The following BAZ2B variants were observed in gnomAD, a reference collection of about 807,000 sequenced individuals.
The protein encoded by BAZ2B is bromodomain adjacent to zinc finger domain protein 2B.
BAZ2B carries 91 observed loss-of-function variants against 246.0 expected under a neutral mutation model. The ratio of observed to expected loss-of-function variants is 0.37; its 90% confidence interval spans 0.31 to 0.44. BAZ2B has a LOEUF of 0.44. Among genes scored for constraint, BAZ2B ranks in the 20% least tolerant of loss-of-function variants. The probability of loss-of-function intolerance (pLI) is 1.00; values close to 1 mark genes in which losing one functional copy is unlikely to be tolerated. For synonymous variants in BAZ2B, 855 were observed against 860.0 expected, an observed-to-expected ratio of 0.99 and a Z score of 0.10; for missense variants, 2,332 against 2,533.7, an observed-to-expected ratio of 0.92 and a Z score of 1.71.
At chr2:159,572,557 T>G (rs1252623997) in intron 1 of BAZ2B, among the ~76,000 whole-genome samples, 1 of 152,158 alleles carries the variant, frequency 6.6e-6, no homozygotes. Context: ...AATCAATAAA[T>G]AAGTGAAAGT....
chr2:159,473,892 G>T (rs1157543711), intron 3 of BAZ2B, among the ~76,000 whole-genome samples: 3 of 152,180 alleles, frequency 2.0e-5, no homozygotes, highest in Non-Finnish European at 2.9e-5. Context: ...TCTTAATCCT[G>T]AGTTCTAATT....
the BAZ2B span, among the ~76,000 whole-genome samples, chr2:159,656,177 T>G: frequency 6.6e-6 from 1 of 152,166 alleles, no homozygotes; most frequent in Non-Finnish European, 1.5e-5. Context: ...ATTATTCTTT[T>G]AAAAATTAAT....
intron 34 of BAZ2B, among the ~76,000 whole-genome samples, chr2:159,330,985 G>T (rs2064649889): frequency 6.6e-6 from 1 of 152,206 alleles, no homozygotes; most frequent in Admixed American, 6.5e-5. Context: ...GAGGACAGAA[G>T]AGGGTTTTTG....
chr2:159,676,048 A>C, the BAZ2B span, among the ~76,000 whole-genome samples: 3 of 152,078 alleles, frequency 2.0e-5, no homozygotes, highest in Non-Finnish European at 4.4e-5. Flanking sequence ...GGCACCTACC[A>C]CCGCACCCGG....
chr2:159,462,716 G>A, intron 3 of BAZ2B: 1 of 1,405,700 alleles, frequency 7.1e-7, no homozygotes. Context: ...TGGTGTGATG[G>A]TAAACTTCCA....
chr2:159,607,181 C>T (rs10204535), intron 1 of BAZ2B, among the ~76,000 whole-genome samples: 61,710 of 151,782 alleles, frequency 0.41, 13,108 homozygotes, highest in African/African-American at 0.51. Context: ...TGGATATGCC[C>T]GTTACTGGCA....
Position 159,337,684 on chromosome 2 carries a change from T to C in BAZ2B, c.5543A>G (p.Asp1848Gly). The change falls in exon 32 of 37, where the codon GAT (aspartate) becomes GGT (glycine). Residue 1848 changes from aspartate to glycine, a missense_variant. Physicochemically the swap from Asp to Gly is moderately conservative, Grantham distance 94 (BLOSUM62 -1). Transcript: ENST00000392783. ...KSFTKLCKEH[D>G]GEFTGEDESS... Reference sequence around the variant, plus strand: ...TTCGTCTTCGCCAGTAAATTCTCCATCATGCTCCTTGCACAATTTAGTAAA... The same window carrying C: ...TTCGTCTTCGCCAGTAAATTCTCCACCATGCTCCTTGCACAATTTAGTAAA... The C allele has an allele frequency of 6.2e-7, 1 of 1,614,228 alleles. No individual in the cohort carries two copies. The highest frequency in any genetic ancestry group is 8.5e-7 in the Non-Finnish European group (1 of 1,180,032).
intron 1 of BAZ2B, among the ~76,000 whole-genome samples, chr2:159,591,784 TTAAG>T (rs1689447248): frequency 6.6e-6 from 1 of 152,172 alleles, no homozygotes; most frequent in Non-Finnish European, 1.5e-5. Flanking sequence ...TCACAGTACT[TTAAG>T]TAATGCTTTT....
At chr2:159,671,467 T>C in the BAZ2B span, among the ~76,000 whole-genome samples, 1 of 152,174 alleles carries the variant, frequency 6.6e-6, no homozygotes, top group South Asian at 2.1e-4. Context: ...AGAGAGGCAA[T>C]GTTTTTAAAA....
At position 159,349,194 on chromosome 2, in the gene BAZ2B, A is replaced by G. The variant is rs756085529; in HGVS notation, c.4950T>C (p.Ser1650=). The change falls in exon 29 of 37, where the codon TCT becomes TCC. Residue 1650 remains serine (S), a synonymous_variant. Transcript: ENST00000392783. The stretch of plus-strand genomic sequence containing the variant: ...CTAACCCCGATCCTAGACTAGGTAC[A>G]GATGATGTAAATGGAATATTAGAAG... The part of the protein sequence containing the change: ...VVTSNIPFTS[S]VPSLGSGLGL... 5 of 1,614,142 alleles carry G rather than the reference A, an allele frequency of 3.1e-6. No homozygotes were observed. The South Asian group carries it at 5.5e-5, about 18-fold the overall frequency.
chr2:159,414,803 C>A (rs868281081), intron 13 of BAZ2B, among the ~76,000 whole-genome samples: 5 of 142,670 alleles, frequency 3.5e-5, no homozygotes. Flanking sequence ...GGTGACAGAG[C>A]GAGACTCCAC....
intron 6 of BAZ2B, chr2:159,444,002 T>A (rs1233611298): frequency 6.6e-6 from 1 of 152,060 alleles, no homozygotes; most frequent in Admixed American, 6.5e-5. Context: ...GTTAAAAGCA[T>A]GGGCATTTAA....
At chr2:159,423,971 G>A (rs999751157) in intron 13 of BAZ2B, among the ~76,000 whole-genome samples, 4 of 152,030 alleles carry the variant, frequency 2.6e-5, no homozygotes, top group Non-Finnish European at 4.4e-5. Flanking sequence ...CAGCTTGCCC[G>A]CTTAGCAAAC....
In BAZ2B at chr2:159,337,577, T is replaced by C. The variant is rs2065887827; in HGVS notation, c.5650A>G (p.Ile1884Val). 1 of 1,614,082 alleles carries C rather than the reference T, an allele frequency of 6.2e-7. No individual in the cohort carries two copies. Among genetic ancestry groups the C allele is most frequent in the South Asian group, 1.1e-5 (1 of 91,090 alleles). ...GGGCTCTTCAGATACCTTCTTTCAA[T>C]GTTCCGCTCCAAATCAGCCAGCCTG... is the stretch of plus-strand genomic sequence containing the variant. Reference protein sequence around the residue: ...VTRLADLERNIERRIEEDIAP... With the variant: ...VTRLADLERNVERRIEEDIAP... The change falls in exon 32 of 37, where the codon ATT (isoleucine) becomes GTT (valine). Residue 1884 changes from isoleucine (I) to valine (V), a missense_variant. Ile to Val is a conservative substitution (Grantham distance 29). Around this residue, in one of 9 missense-constraint regions of BAZ2B, gnomAD observed 8 missense variants for 26.8 expected, o/e 0.30. Coordinates refer to ENST00000392783, the MANE Select transcript of BAZ2B (RefSeq NM_013450.4).
the BAZ2B span, among the ~76,000 whole-genome samples, chr2:159,704,746 T>C: frequency 1.3e-5 from 2 of 152,142 alleles, no homozygotes; most frequent in African/African-American, 4.8e-5. Flanking sequence ...CTTCCCAAAG[T>C]GTTAGGATTA....
the BAZ2B span, among the ~76,000 whole-genome samples, chr2:159,711,298 C>G: frequency 6.6e-6 from 1 of 152,192 alleles, no homozygotes; most frequent in Non-Finnish European, 1.5e-5. Flanking sequence ...TGCTTATTTT[C>G]ATTTCATATC....
chr2:159,581,130 A>G (rs1422979624), intron 1 of BAZ2B, among the ~76,000 whole-genome samples: 11 of 152,214 alleles, frequency 7.2e-5, no homozygotes, highest in Admixed American at 2.6e-4. Flanking sequence ...GTGAACAGGC[A>G]ACCTACAGAA....
intron 2 of BAZ2B, among the ~76,000 whole-genome samples, chr2:159,498,733 A>G (rs1429213631): frequency 6.6e-6 from 1 of 152,118 alleles, no homozygotes; most frequent in East Asian, 1.9e-4. Flanking sequence ...TAAGTATACC[A>G]TTTGGTCAAA....
At chr2:159,676,952 T>TTTTA in the BAZ2B span, among the ~76,000 whole-genome samples, 94 of 117,804 alleles carry the variant, frequency 8.0e-4, no homozygotes, top group African/African-American at 2.9e-3. Flanking sequence ...AATAGTTTTG[T>TTTTA]TATATATATA....
Sources: allele counts gnomAD v4.1 joint callset (sites outside exome capture counted in the v4.1 genomes callset), GRCh38; gene constraint gnomAD v4.1.1; regional missense constraint gnomAD v4.1.1; transcripts MANE v1.5; gene names NCBI Gene and HGNC (gene_info 2026-07-23, HGNC 2026-07-21).